ANK2: variants seen among roughly 807,000 people sequenced by gnomAD.
ANK2 encodes the protein ankyrin 2.
ANK2 carries 83 observed loss-of-function variants against 360.5 expected under a neutral mutation model. That is an observed-to-expected ratio of 0.23 (90% CI 0.19 to 0.28). The LOEUF is 0.28. Ranked by LOEUF, ANK2 falls within the 10% of genes least tolerant of loss-of-function variation. The pLI, the probability that ANK2 is intolerant of heterozygous loss-of-function variation, is 1.00. For synonymous variants in ANK2, 1,740 were observed against 1,759.5 expected (o/e 0.99, Z 0.28); for missense variants, 4,201 against 4,795.7 (o/e 0.88, Z 3.66).
At chr4:113,285,615 C>T (rs1174172746) in intron 18 of ANK2, among the ~76,000 whole-genome samples, 1 of 152,002 alleles carries the variant, frequency 6.6e-6, no homozygotes, top group Non-Finnish European at 1.5e-5. Context: ...TTCCTGGGTG[C>T]ACCACCCTCC....
At chr4:113,376,675 T>C (rs972594098) in intron 45 of ANK2, among the ~76,000 whole-genome samples, 2 of 152,166 alleles carry the variant, frequency 1.3e-5, no homozygotes, top group African/African-American at 2.4e-5. Flanking sequence ...TCTTTTGTAA[T>C]AACACAAGTT....
intron 1 of ANK2, among the ~76,000 whole-genome samples, chr4:113,119,488 G>C (rs947752998): frequency 6.6e-6 from 1 of 151,754 alleles, no homozygotes; most frequent in African/African-American, 2.4e-5. Context: ...ATACCTTAAG[G>C]TGTACATACC....
chr4:112,880,898 A>G (rs1430502965), intron 1 of ANK2: 1 of 152,220 alleles, frequency 6.6e-6, no homozygotes, highest in East Asian at 1.9e-4. Context: ...GTCTCTTCCT[A>G]GACAATCCCT....
Position 113,196,400 on chromosome 4 carries a change from G to A in ANK2, c.219G>A (p.Lys73=). 1.2e-6 allele frequency: 2 copies of A among 1,613,876 alleles called. No homozygotes were observed. Among genetic ancestry groups the A allele is most frequent in the East Asian group, 2.2e-5 (1 of 44,882 alleles). Reference sequence around the variant, plus strand: ...TCAACGCTCTCCATCTGGCTGCCAAGGAAGGCCACGTGGGGCTGGTGCAGG... The same window carrying A: ...TCAACGCTCTCCATCTGGCTGCCAAAGAAGGCCACGTGGGGCTGGTGCAGG... ...NGLNALHLAA[K]EGHVGLVQEL... is the part of the protein sequence containing the mutation. Residue 73 remains lysine, a synonymous_variant, in exon 3 of 46, where the codon AAG becomes AAA. Transcript: ENST00000357077.
At chr4:112,707,299 G>T in the ANK2 span, among the ~76,000 whole-genome samples, 1 of 152,140 alleles carries the variant, frequency 6.6e-6, no homozygotes, top group African/African-American at 2.4e-5. Context: ...TCTTTGCCAC[G>T]TTTGAATTTT....
chr4:113,293,367 C>A, intron 21 of ANK2, 73 bp from the exon 22 acceptor site: 2 of 1,274,712 alleles, frequency 1.6e-6, no homozygotes, highest in Non-Finnish European at 2.3e-6. Flanking sequence ...TGCAGAGCAG[C>A]GGGTGAGCTC....
intron 1 of ANK2, among the ~76,000 whole-genome samples, chr4:113,068,840 C>T (rs946957250): frequency 9.2e-5 from 14 of 152,196 alleles, no homozygotes; most frequent in Non-Finnish European, 1.6e-4. Context: ...GCAAGAGGAT[C>T]GCTTGAGCCC....
intron 24 of ANK2, 117 bp downstream of exon 24, chr4:113,311,516 C>T: frequency 3.9e-6 from 5 of 1,290,834 alleles, no homozygotes; most frequent in Non-Finnish European, 5.4e-6. Context: ...TTATTAATCT[C>T]AGCAGTTAGC....
At chr4:113,065,695 C>T (rs2075314269) in intron 1 of ANK2, among the ~76,000 whole-genome samples, 1 of 152,176 alleles carries the variant, frequency 6.6e-6, no homozygotes, top group South Asian at 2.1e-4. Flanking sequence ...AGAGGTATAG[C>T]TTTAGCAAAG....
chr4:113,212,326 T>C (rs963878529), intron 4 of ANK2, among the ~76,000 whole-genome samples: 2 of 152,220 alleles, frequency 1.3e-5, no homozygotes, highest in African/African-American at 2.4e-5. Flanking sequence ...ATTGGGAAGA[T>C]ATGCAAAGCC....
the ANK2 span, among the ~76,000 whole-genome samples, chr4:112,740,914 C>T: frequency 3.3e-5 from 5 of 151,990 alleles, no homozygotes; most frequent in African/African-American, 7.2e-5. Context: ...CACTTGAACC[C>T]GGGAGGCAGA....
At chr4:112,907,400 A>G (rs1236788574) in intron 2 of ANK2, among the ~76,000 whole-genome samples, 2 of 152,162 alleles carry the variant, frequency 1.3e-5, no homozygotes, top group African/African-American at 4.8e-5. Context: ...CTGCAAAACC[A>G]TTTTGAAAAA....
At chr4:113,273,720 A>G (rs2059298667) in intron 14 of ANK2, among the ~76,000 whole-genome samples, 1 of 152,070 alleles carries the variant, frequency 6.6e-6, no homozygotes, top group Admixed American at 6.5e-5. Flanking sequence ...TTCCAACTAC[A>G]CTTCAGAGTC....
intron 37 of ANK2, 179 bp downstream of exon 37, chr4:113,350,428 C>T: frequency 1.9e-6 from 1 of 531,404 alleles, no homozygotes; most frequent in Non-Finnish European, 3.3e-6. Context: ...ACAAATATAC[C>T]TAATTTGCGA....
chr4:112,988,572 A>G (rs1490609204), intron 2 of ANK2, among the ~76,000 whole-genome samples: 1 of 152,236 alleles, frequency 6.6e-6, no homozygotes, highest in Non-Finnish European at 1.5e-5. Flanking sequence ...AGTCCAATGT[A>G]GTCACTTCCA....
the ANK2 span, among the ~76,000 whole-genome samples, chr4:112,812,491 G>A: frequency 1.2e-4 from 19 of 152,126 alleles, no homozygotes; most frequent in Non-Finnish European, 2.1e-4. Flanking sequence ...TAAGAGGCAC[G>A]CAGAGATGAT....
At chr4:112,812,951 G>T in the ANK2 span, among the ~76,000 whole-genome samples, 6 of 152,064 alleles carry the variant, frequency 3.9e-5, no homozygotes, top group African/African-American at 1.2e-4. Flanking sequence ...TTTAAAATCT[G>T]GTCATCGGCT....
In ANK2 at chr4:113,328,389, C is replaced by T. The variant is rs551403391; in HGVS notation, c.2901-1857C>T. On this transcript the variant is annotated intron_variant, in intron 26 of 45. Transcript: ENST00000357077. The stretch of plus-strand genomic sequence containing the variant: ...TTTTCACAAAAACCAACCTAAGTAT[C>T]CTACTCAAATAAGAACAATAAAATG... Among the ~76,000 whole-genome samples the T allele has an allele frequency of 2.6e-5, 4 of 152,156 alleles. No homozygotes were observed. In the South Asian group the frequency reaches 8.3e-4, roughly 32 times the overall value.
chr4:113,189,932 C>G (rs1292805376), intron 2 of ANK2, among the ~76,000 whole-genome samples: 1 of 152,130 alleles, frequency 6.6e-6, no homozygotes, highest in East Asian at 1.9e-4. Context: ...CAGTGATAAA[C>G]ATGCAGAACT....
Sources: gnomAD v4.1 joint callset for allele counts (sites outside exome capture counted in the v4.1 genomes callset) on GRCh38, gnomAD v4.1.1 for gene constraint, MANE v1.5 for transcripts, NCBI Gene and HGNC (gene_info 2026-07-23, HGNC 2026-07-21) for gene names.